The following FER variants were observed in gnomAD, a reference collection of about 807,000 sequenced individuals.
FER encodes the protein tyrosine-protein kinase Fer.
In FER, 63 loss-of-function variants were observed where a neutral mutation model predicts 111.0. That is an observed-to-expected ratio of 0.57 (90% CI 0.46 to 0.70). FER has a LOEUF of 0.70. FER is among the 30% of genes least tolerant of loss of function. The probability of loss-of-function intolerance (pLI) is 0.00; values close to 1 mark genes in which losing one functional copy is unlikely to be tolerated. For missense variants in FER, 914 were observed against 954.0 expected (o/e 0.96, Z 0.55); for synonymous variants, 327 against 313.9 (o/e 1.04, Z -0.44).
intron 10 of FER, among the ~76,000 whole-genome samples, chr5:108,918,405 G>A (rs1483345179): frequency 6.6e-6 from 1 of 152,018 alleles, no homozygotes; most frequent in Non-Finnish European, 1.5e-5. Flanking sequence ...GTGGGCCTAA[G>A]AATGCAGCTG....
chr5:109,092,747 C>A (rs1481059883), intron 16 of FER, among the ~76,000 whole-genome samples: 2 of 151,988 alleles, frequency 1.3e-5, no homozygotes, highest in Non-Finnish European at 2.9e-5. Context: ...TCTAGCCATC[C>A]CATTTCTGGA....
chr5:108,798,145 C>G lies in FER; in HGVS notation c.-38C>G, dbSNP rs779002488. ...ACAGATATGTGCTGATTAGAAGGCT[C>G]ACTTGTGCAGTGTGGAGGATAACCA... On this transcript the variant is annotated 5_prime_UTR_variant, in exon 3 of 20. Coordinates refer to ENST00000281092, the MANE Select transcript of FER (RefSeq NM_005246.4). The G allele has an allele frequency of 1.3e-6, 2 of 1,507,154 alleles. No individual in the cohort carries two copies. Among genetic ancestry groups the G allele is most frequent in the Non-Finnish European group, 1.8e-6 (2 of 1,084,766 alleles). 93.4% of individuals were successfully genotyped at this position (1,507,154 alleles called of 1,614,324 possible).
chr5:108,845,869 G>T (rs1561505113), intron 5 of FER, among the ~76,000 whole-genome samples: 1 of 152,128 alleles, frequency 6.6e-6, no homozygotes, highest in Non-Finnish European at 1.5e-5. Flanking sequence ...GAGATAAATA[G>T]ATACCTATTT....
At chr5:109,052,438 A>G (rs569507654) in intron 16 of FER, 3 of 1,399,378 alleles carry the variant, frequency 2.1e-6, no homozygotes, top group Admixed American at 3.4e-5. Context: ...GAGTTTGCCT[A>G]AAGTGCTCCA....
chr5:108,867,720 T>G, intron 5 of FER, 47 bp from the exon 6 acceptor site: 1 of 1,544,728 alleles, frequency 6.5e-7, no homozygotes, highest in Non-Finnish European at 8.8e-7. Context: ...GATACAATTT[T>G]TTTTCTTATC....
intron 13 of FER, among the ~76,000 whole-genome samples, chr5:109,030,310 T>G (rs1769417227): frequency 2.0e-5 from 3 of 152,200 alleles, no homozygotes. Context: ...TCCATCCCAC[T>G]GTTGGTTGAC....
chr5:108,879,701 A>ATATATATATATATATATATATATAT (rs1554084619), intron 8 of FER, among the ~76,000 whole-genome samples: 143 of 99,006 alleles, frequency 1.4e-3, no homozygotes, highest in Non-Finnish European at 2.2e-3. Context: ...ATTAAAAAAA[A>ATATATATATATATATATATATATAT]ATATATATAT....
intron 16 of FER, among the ~76,000 whole-genome samples, chr5:109,078,785 A>G (rs988980364): frequency 5.9e-5 from 9 of 152,206 alleles, no homozygotes. Flanking sequence ...CAGATTACAT[A>G]GAACATCTCC....
At chr5:109,035,782 A>G (rs1770302503) in intron 13 of FER, among the ~76,000 whole-genome samples, 1 of 152,230 alleles carries the variant, frequency 6.6e-6, no homozygotes. Flanking sequence ...AGCGATACAT[A>G]AGGATTACAG....
intron 17 of FER, among the ~76,000 whole-genome samples, chr5:109,141,749 G>A (rs1331351842): frequency 1.3e-5 from 2 of 152,198 alleles, no homozygotes; most frequent in Non-Finnish European, 2.9e-5. Flanking sequence ...ACTAAGTCAA[G>A]TTACACAGCC....
In FER at chr5:108,832,771, C is replaced by G. The variant is rs754788553; in HGVS notation, c.209C>G (p.Ser70Cys). The change falls in exon 4 of 20, where the codon TCT (serine) becomes TGT (cysteine). Residue 70 changes from serine to cysteine, a missense_variant and splice_region_variant. Physicochemically the swap from Ser to Cys is moderately radical, Grantham distance 112. Transcript: ENST00000281092. Reference protein sequence around the residue: ...QMNYVSNVSKSWLLMIQQTEQ... With the variant: ...QMNYVSNVSKCWLLMIQQTEQ... ...GTTTCTTTTTTTTTTTTTTTTAAGT[C>G]TTGGCTACTTATGATTCAGCAGACA... 3.7e-6 allele frequency: 5 copies of G among 1,336,618 alleles called. No homozygotes were observed. Among genetic ancestry groups the G allele is most frequent in the Non-Finnish European group, 3.9e-6 (4 of 1,026,940 alleles). The allele number at this position is 1,336,618 out of a possible 1,614,324, so 82.8% of individuals were successfully genotyped here.
At chr5:108,789,078 G>A (rs62361344) in intron 2 of FER, among the ~76,000 whole-genome samples, 35,830 of 152,072 alleles carry the variant, frequency 0.24, 4,462 homozygotes, top group African/African-American at 0.31. Context: ...TTTATTGAAC[G>A]ATAACATACA....
At chr5:108,816,589 A>G (rs73780586) in intron 3 of FER, among the ~76,000 whole-genome samples, 3,295 of 152,224 alleles carry the variant, frequency 0.022, 114 homozygotes, top group African/African-American at 0.076. Flanking sequence ...TTTCTTGAGT[A>G]TTATGCCTTT....
At chr5:108,960,465 A>G (rs981995089) in intron 13 of FER, among the ~76,000 whole-genome samples, 8 of 151,990 alleles carry the variant, frequency 5.3e-5, no homozygotes, top group Admixed American at 2.0e-4. Flanking sequence ...AAATTTTTTT[A>G]TTCATTTTCT....
chr5:109,139,279 C>T (rs1753247470), intron 17 of FER, among the ~76,000 whole-genome samples: 1 of 151,732 alleles, frequency 6.6e-6, no homozygotes, highest in African/African-American at 2.4e-5. Flanking sequence ...GTCAACCCTG[C>T]AGAAGATTCC....
At chr5:108,806,429 A>T (rs1261943339) in intron 3 of FER, among the ~76,000 whole-genome samples, 2 of 152,194 alleles carry the variant, frequency 1.3e-5, no homozygotes, top group Non-Finnish European at 2.9e-5. Context: ...CTGTGAGAAG[A>T]GGGCTACCGT....
chr5:108,833,815 A>G (rs910282151), intron 4 of FER, among the ~76,000 whole-genome samples: 8 of 151,872 alleles, frequency 5.3e-5, no homozygotes, highest in African/African-American at 1.7e-4. Context: ...TGGAGGTTGC[A>G]GTGAGCGGAG....
chr5:109,015,367 G>T (rs955359429), intron 13 of FER, among the ~76,000 whole-genome samples: 1 of 151,986 alleles, frequency 6.6e-6, no homozygotes, highest in Non-Finnish European at 1.5e-5. Flanking sequence ...AATTAAAAAT[G>T]GTTAAGATGT....
chr5:108,908,652 C>T (rs140527805), intron 10 of FER, among the ~76,000 whole-genome samples: 1,919 of 149,510 alleles, frequency 0.013, 25 homozygotes, highest in Middle Eastern at 0.046. Context: ...ACCCGGGAGG[C>T]GGAGCTTGCA....
Sources: allele counts gnomAD v4.1 joint callset (sites outside exome capture counted in the v4.1 genomes callset), GRCh38; gene constraint gnomAD v4.1.1; transcripts MANE v1.5; gene names NCBI Gene and HGNC (gene_info 2026-07-23, HGNC 2026-07-21).